The following PTPRD variants were observed in gnomAD, a reference collection of about 807,000 sequenced individuals.
The protein encoded by PTPRD is receptor-type tyrosine-protein phosphatase delta.
Under a neutral mutation model 214.5 loss-of-function variants are expected in PTPRD, and 34 were observed. That is an observed-to-expected ratio of 0.16 (90% CI 0.12 to 0.21). The LOEUF is 0.21. PTPRD is among the 10% of genes least tolerant of loss of function. PTPRD has a pLI of 1.00. For synonymous variants in PTPRD, 1,128 were observed against 845.7 expected, an observed-to-expected ratio of 1.33 and a Z score of -5.79; for missense variants, 2,545 against 2,398.7, an observed-to-expected ratio of 1.06 and a Z score of -1.27.
At chr9:8,398,686 C>G (rs73420422) in intron 36 of PTPRD, among the ~76,000 whole-genome samples, 1 of 152,072 alleles carries the variant, frequency 6.6e-6, no homozygotes, top group Non-Finnish European at 1.5e-5. Flanking sequence ...CTTTTTCTAT[C>G]GTTTTGGCCA....
Position 9,572,630 on chromosome 9 carries a change from ATATG to A in PTPRD, c.-237+2098_-237+2101del, listed in dbSNP as rs537933858. Among the ~76,000 whole-genome samples the A allele has an allele frequency of 1.0e-3, 155 of 148,012 alleles. 7 individuals are homozygous for A. In the South Asian group the frequency reaches 0.032, roughly 30 times the overall value. On this transcript the variant is annotated intron_variant, in intron 8 of 45. Coordinates refer to ENST00000381196, the MANE Select transcript of PTPRD (RefSeq NM_002839.4). ...ATATATATCATACATATATGTATAT[ATATG>A]TATTTATGTATAAACATAACCCGAT...
chr9:10,074,681 C>T (rs1421151662), intron 3 of PTPRD, among the ~76,000 whole-genome samples: 1 of 152,110 alleles, frequency 6.6e-6, no homozygotes, highest in Non-Finnish European at 1.5e-5. Context: ...TCTGTACCAG[C>T]TCTGATTTAG....
At chr9:9,468,023 T>C (rs944223206) in intron 8 of PTPRD, among the ~76,000 whole-genome samples, 2 of 152,152 alleles carry the variant, frequency 1.3e-5, no homozygotes, top group African/African-American at 2.4e-5. Flanking sequence ...TTAGGAACTT[T>C]ATACCATGCT....
intron 2 of PTPRD, among the ~76,000 whole-genome samples, chr9:10,437,583 A>T (rs2098728311): frequency 1.3e-5 from 2 of 151,680 alleles, no homozygotes; most frequent in South Asian, 4.1e-4. Flanking sequence ...CCTTTAAAGC[A>T]TGAGGGTTAT....
intron 2 of PTPRD, among the ~76,000 whole-genome samples, chr9:10,394,056 TTATATA>T (rs66596655): frequency 7.1e-6 from 1 of 140,068 alleles, no homozygotes. Flanking sequence ...TATATACATA[TTATATA>T]TATATATATA....
intron 3 of PTPRD, among the ~76,000 whole-genome samples, chr9:10,329,367 G>T (rs1298699120): frequency 1.3e-5 from 2 of 151,692 alleles, no homozygotes; most frequent in African/African-American, 4.8e-5. Context: ...TTTTTAATGT[G>T]CATGTTCTAA....
intron 3 of PTPRD, among the ~76,000 whole-genome samples, chr9:10,243,686 C>T (rs952199802): frequency 6.6e-6 from 1 of 151,882 alleles, no homozygotes; most frequent in African/African-American, 2.4e-5. Context: ...ACAATAGTAA[C>T]TACAAACACC....
chr9:9,864,475 T>A (rs1165150976), intron 5 of PTPRD, among the ~76,000 whole-genome samples: 3 of 152,136 alleles, frequency 2.0e-5, no homozygotes, highest in African/African-American at 7.2e-5. Context: ...CAGAAAACAC[T>A]AATATACAGT....
At chr9:8,323,984 C>G (rs181000551) in intron 44 of PTPRD, among the ~76,000 whole-genome samples, 4 of 152,180 alleles carry the variant, frequency 2.6e-5, no homozygotes, top group East Asian at 1.9e-4. Flanking sequence ...ATTGCTACAG[C>G]CACCTCACCC....
At chr9:10,062,930 A>T (rs2097800550) in intron 3 of PTPRD, among the ~76,000 whole-genome samples, 1 of 152,054 alleles carries the variant, frequency 6.6e-6, no homozygotes, top group African/African-American at 2.4e-5. Flanking sequence ...AATGAGAGAG[A>T]TGAAATAGTT....
chr9:8,750,478 A>T (rs891362669), intron 11 of PTPRD, among the ~76,000 whole-genome samples: 2 of 151,954 alleles, frequency 1.3e-5, no homozygotes, highest in African/African-American at 4.8e-5. Context: ...TTTTTAAGGT[A>T]CCTGGTAAGT....
At chr9:10,230,274 A>G (rs1231714548) in intron 3 of PTPRD, among the ~76,000 whole-genome samples, 11 of 152,026 alleles carry the variant, frequency 7.2e-5, no homozygotes, top group Non-Finnish European at 1.5e-4. Context: ...CAGACAATAC[A>G]TTGCGTTGTG....
chr9:9,500,925 A>G (rs921109792), intron 8 of PTPRD, among the ~76,000 whole-genome samples: 2 of 152,070 alleles, frequency 1.3e-5, no homozygotes, highest in African/African-American at 4.8e-5. Flanking sequence ...ATTGTTCAAT[A>G]TTAATTGCAA....
intron 7 of PTPRD, among the ~76,000 whole-genome samples, chr9:9,720,788 T>C (rs1160558773): frequency 2.0e-5 from 3 of 148,652 alleles, no homozygotes; most frequent in African/African-American, 7.7e-5. Flanking sequence ...GCGATATATA[T>C]ACACCATGGA....
chr9:8,883,523 C>A (rs2098463259), intron 11 of PTPRD, among the ~76,000 whole-genome samples: 2 of 152,242 alleles, frequency 1.3e-5, no homozygotes, highest in African/African-American at 2.4e-5. Context: ...AAACACACAC[C>A]TGCTGGGAAC....
chr9:9,197,260 A>G (rs961310556), intron 9 of PTPRD, among the ~76,000 whole-genome samples: 2 of 152,032 alleles, frequency 1.3e-5, no homozygotes, highest in Non-Finnish European at 2.9e-5. Context: ...ATATTAATAA[A>G]TCCTATCACT....
rs539816329 is a variant in PTPRD, at chr9:9,662,909, A to G, written c.-287+71624T>C. 2.8e-3 allele frequency among the ~76,000 whole-genome samples: 419 copies of G among 151,646 alleles called. 2 individuals are homozygous for G. Among genetic ancestry groups the G allele is most frequent in the African/African-American group, 8.7e-3 (363 of 41,496 alleles). On this transcript the variant is annotated intron_variant, in intron 7 of 45. Transcript: ENST00000381196. ...GTATTTGAGAATAAAGTTTGTTTTC[A>G]CTGCAGTTCTTAACAATTTATGAAT...
At chr9:9,565,854 G>A (rs2154296249) in intron 8 of PTPRD, among the ~76,000 whole-genome samples, 1 of 152,022 alleles carries the variant, frequency 6.6e-6, no homozygotes, top group East Asian at 1.9e-4. Context: ...GGAATACAGA[G>A]AAATGAGATA....
intron 2 of PTPRD, among the ~76,000 whole-genome samples, chr9:10,452,187 G>GTA (rs1314078480): frequency 6.6e-6 from 1 of 151,888 alleles, no homozygotes; most frequent in African/African-American, 2.4e-5. Context: ...ACTTTATTGT[G>GTA]TATATATATG....
Sources: allele counts gnomAD v4.1 joint callset (sites outside exome capture counted in the v4.1 genomes callset), GRCh38; gene constraint gnomAD v4.1.1; transcripts MANE v1.5; gene names NCBI Gene and HGNC (gene_info 2026-07-23, HGNC 2026-07-21).